ERC2: variants seen among roughly 807,000 people sequenced by gnomAD.
The protein encoded by ERC2 is ERC protein 2.
In ERC2, 42 loss-of-function variants were observed where a neutral mutation model predicts 114.8. That is an observed-to-expected ratio of 0.37 (90% CI 0.29 to 0.47). The LOEUF is 0.47. Among genes scored for constraint, ERC2 ranks in the 20% least tolerant of loss-of-function variants. The pLI is 0.99. For missense variants in ERC2, 939 were observed against 1,150.7 expected (o/e 0.82, Z 2.66); for synonymous variants, 454 against 425.5 (o/e 1.07, Z -0.82).
intron 14 of ERC2, among the ~76,000 whole-genome samples, chr3:55,864,707 C>T (rs2062215322): frequency 6.6e-6 from 1 of 152,126 alleles, no homozygotes; most frequent in African/African-American, 2.4e-5. Context: ...ACTTAAATGC[C>T]TCAGAAGCCC....
chr3:55,697,819 G>A (rs2148819841), intron 16 of ERC2, among the ~76,000 whole-genome samples: 1 of 152,086 alleles, frequency 6.6e-6, no homozygotes, highest in East Asian at 1.9e-4. Context: ...GGCTCAGAAT[G>A]AATGGCCAAA....
rs1429660103 is a variant in ERC2, at chr3:56,347,571, C to A, written c.658-51136G>T. Among the ~76,000 whole-genome samples, 5 of 152,038 alleles carry A rather than the reference C, an allele frequency of 3.3e-5. No homozygotes were observed. In the East Asian group the frequency reaches 9.7e-4, roughly 29 times the overall value. On this transcript the variant is annotated intron_variant, in intron 2 of 17. Coordinates refer to ENST00000288221, the MANE Select transcript of ERC2 (RefSeq NM_015576.3). ...AGTTTGCAGTTCTTTCTGGAACCAG[C>A]CTCATTGTGTTGCCTTAAAGACCCC...
intron 1 of ERC2, among the ~76,000 whole-genome samples, chr3:56,457,873 T>G (rs2063134665): frequency 2.0e-5 from 3 of 152,184 alleles, no homozygotes; most frequent in Admixed American, 2.0e-4. Context: ...TCAGGAAGCC[T>G]TCCTTCATTC....
chr3:55,810,767 T>C (rs1392825341), intron 14 of ERC2, among the ~76,000 whole-genome samples: 4 of 152,122 alleles, frequency 2.6e-5, no homozygotes, highest in Non-Finnish European at 2.9e-5. Context: ...GCCTAGAATA[T>C]CTCTTAATGA....
intron 13 of ERC2, among the ~76,000 whole-genome samples, chr3:55,938,711 T>C (rs1309605216): frequency 1.3e-5 from 2 of 152,110 alleles, no homozygotes; most frequent in East Asian, 3.8e-4. Context: ...ACAACCAAAA[T>C]AAAAACAAGT....
chr3:56,130,834 A>G (rs1232077452), intron 6 of ERC2, among the ~76,000 whole-genome samples: 1 of 152,204 alleles, frequency 6.6e-6, no homozygotes, highest in African/African-American at 2.4e-5. Flanking sequence ...AAAACTTTAG[A>G]AGGTAAATGT....
chr3:56,271,979 T>G (rs2053684130), intron 3 of ERC2, among the ~76,000 whole-genome samples: 1 of 152,230 alleles, frequency 6.6e-6, no homozygotes, highest in South Asian at 2.1e-4. Flanking sequence ...CCAAATTTTC[T>G]ATATCCAGTC....
chr3:56,004,060 A>G (rs796326564), intron 10 of ERC2, among the ~76,000 whole-genome samples: 2 of 152,066 alleles, frequency 1.3e-5, no homozygotes, highest in South Asian at 4.1e-4. Context: ...ACTTGAATGA[A>G]GTAAATGACA....
chr3:55,905,079 T>C (rs1310505947), intron 13 of ERC2, among the ~76,000 whole-genome samples: 1 of 152,210 alleles, frequency 6.6e-6, no homozygotes, highest in African/African-American at 2.4e-5. Flanking sequence ...TGTCTTGATG[T>C]GTTTCACGTT....
chr3:56,343,987 T>C (rs190821708), intron 2 of ERC2, among the ~76,000 whole-genome samples: 1 of 152,222 alleles, frequency 6.6e-6, no homozygotes, highest in East Asian at 1.9e-4. Flanking sequence ...AACATTCTTT[T>C]CCCCCAGAGA....
intron 12 of ERC2, among the ~76,000 whole-genome samples, chr3:55,976,014 C>T (rs957225264): frequency 6.6e-6 from 1 of 152,312 alleles, no homozygotes; most frequent in Admixed American, 6.5e-5. Context: ...TGCCTCTTTG[C>T]CAAATTTCAG....
chr3:56,379,938 A>T (rs889892935), intron 2 of ERC2, among the ~76,000 whole-genome samples: 1 of 152,102 alleles, frequency 6.6e-6, no homozygotes, highest in Admixed American at 6.5e-5. Context: ...CATTGTTCTA[A>T]AGTCAGTTTC....
At chr3:56,249,661 C>T (rs1488378520) in intron 3 of ERC2, among the ~76,000 whole-genome samples, 3 of 151,756 alleles carry the variant, frequency 2.0e-5, no homozygotes, top group African/African-American at 7.3e-5. Context: ...CCCTCAGTTT[C>T]TTCATCTGAA....
At chr3:56,082,414 C>T (rs2077282186) in intron 6 of ERC2, among the ~76,000 whole-genome samples, 1 of 151,994 alleles carries the variant, frequency 6.6e-6, no homozygotes, top group Non-Finnish European at 1.5e-5. Flanking sequence ...GACTTTCCAG[C>T]CTCTGTAACT....
At position 55,930,971 on chromosome 3, in the gene ERC2, C is replaced by T. The variant is rs191530231; in HGVS notation, c.2403+19454G>A. On this transcript the variant is annotated intron_variant, in intron 13 of 17. Coordinates refer to ENST00000288221, the MANE Select transcript of ERC2 (RefSeq NM_015576.3). ...TGAACAGACACTTCTCAAAAGAAGA[C>T]ATTTATGCGGCCAACAAGAATATTA... Among the ~76,000 whole-genome samples, 7 of 152,306 alleles carry T rather than the reference C, an allele frequency of 4.6e-5. No homozygotes were observed. The East Asian group carries it at 1.4e-3, about 29-fold the overall frequency.
At chr3:55,538,559 C>A (rs1231781320) in intron 17 of ERC2, among the ~76,000 whole-genome samples, 1 of 152,164 alleles carries the variant, frequency 6.6e-6, no homozygotes, top group East Asian at 1.9e-4. Context: ...AATTTTTAGT[C>A]TTTGTTGAAC....
chr3:56,375,891 T>G (rs2059522394), intron 2 of ERC2, among the ~76,000 whole-genome samples: 1 of 152,220 alleles, frequency 6.6e-6, no homozygotes, highest in African/African-American at 2.4e-5. Context: ...AGTCAGCTGT[T>G]GCACTGTAAA....
chr3:56,400,527 T>A (rs959581447), intron 2 of ERC2, among the ~76,000 whole-genome samples: 3 of 152,156 alleles, frequency 2.0e-5, no homozygotes, highest in African/African-American at 7.2e-5. Context: ...AATGCATTAA[T>A]CCAAAACCCT....
intron 6 of ERC2, among the ~76,000 whole-genome samples, chr3:56,123,247 G>C (rs555800348): frequency 6.6e-6 from 1 of 152,066 alleles, no homozygotes; most frequent in African/African-American, 2.4e-5. Flanking sequence ...CCTTTTAGAG[G>C]TAATTAGGTC....
Sources: allele counts gnomAD v4.1 joint callset (sites outside exome capture counted in the v4.1 genomes callset), GRCh38; gene constraint gnomAD v4.1.1; transcripts MANE v1.5; gene names NCBI Gene and HGNC (gene_info 2026-07-23, HGNC 2026-07-21).